NBAS: variants seen among roughly 807,000 people sequenced by gnomAD.
NBAS encodes NBAS subunit of NRZ tethering complex.
NBAS carries 219 observed loss-of-function variants against 302.5 expected under a neutral mutation model. That is an observed-to-expected ratio of 0.72 (90% CI 0.65 to 0.81). NBAS has a LOEUF of 0.81. NBAS is among the 30% of genes least tolerant of loss of function. The pLI is 0.00. For synonymous variants in NBAS, 1,118 were observed against 1,021.6 expected, an observed-to-expected ratio of 1.09 and a Z score of -1.80; for missense variants, 2,932 against 2,841.6, an observed-to-expected ratio of 1.03 and a Z score of -0.72.
chr2:14,865,214 A>C, the NBAS span, among the ~76,000 whole-genome samples: 1 of 152,084 alleles, frequency 6.6e-6, no homozygotes, highest in African/African-American at 2.4e-5. Flanking sequence ...GGGGGGAATA[A>C]TAACTCTAAC....
chr2:15,394,080 T>C (rs918503897), intron 28 of NBAS, 147 bp downstream of exon 28: 13 of 895,384 alleles, frequency 1.5e-5, no homozygotes, highest in Non-Finnish European at 2.1e-5. Flanking sequence ...TATACACACA[T>C]ATCAAAACTT....
At chr2:15,392,460 C>T (rs1675656771) in intron 28 of NBAS, among the ~76,000 whole-genome samples, 1 of 151,868 alleles carries the variant, frequency 6.6e-6, no homozygotes. Context: ...GAAGAATCAA[C>T]TGTATTTCTA....
At chr2:14,829,757 C>T in the NBAS span, among the ~76,000 whole-genome samples, 1 of 152,200 alleles carries the variant, frequency 6.6e-6, no homozygotes, top group Non-Finnish European at 1.5e-5. Flanking sequence ...CCATTTGCCA[C>T]AAGGCTTACC....
Position 15,467,738 on chromosome 2 carries a change from T to C in NBAS, c.1944A>G (p.Glu648=), listed in dbSNP as rs779091246. The C allele has an allele frequency of 1.2e-6, 2 of 1,607,212 alleles. No homozygotes were observed. The highest frequency in any genetic ancestry group is 1.7e-4 in the Middle Eastern group (1 of 6,048). Reference sequence around the variant, plus strand: ...TTTCCTTTTTATTCTTGGCAGGCTCTTCATCAGGTGGTGAAAGCTCTTCAT... The same window carrying C: ...TTTCCTTTTTATTCTTGGCAGGCTCCTCATCAGGTGGTGAAAGCTCTTCAT... ...ISYEELSPPD[E]EPAKNKKEKE... is the part of the protein sequence containing the mutation. The change falls in exon 18 of 52, where the codon GAA becomes GAG. Residue 648 remains glutamate (E), a synonymous_variant. Transcript: ENST00000281513.
At chr2:15,043,446 A>C in the NBAS span, among the ~76,000 whole-genome samples, 1 of 152,290 alleles carries the variant, frequency 6.6e-6, no homozygotes, top group South Asian at 2.1e-4. Flanking sequence ...TTCTGCTAAA[A>C]GCCCATCCAT....
intron 37 of NBAS, among the ~76,000 whole-genome samples, 156 bp from the exon 38 acceptor site, chr2:15,328,026 G>T (rs1672154502): frequency 6.6e-6 from 1 of 151,972 alleles, no homozygotes; most frequent in South Asian, 2.1e-4. Context: ...TTTTTAAACA[G>T]ATTTTAATCT....
Position 15,554,131 on chromosome 2 carries a change from G to C in NBAS, c.217C>G (p.Pro73Ala), listed in dbSNP as rs776663006. The change falls in exon 4 of 52, where the codon CCT becomes GCT. Residue 73 changes from proline to alanine, a missense_variant. Transcript: ENST00000281513. ...ACCAGTCCATCAGGGAGCAAAAAAG[G>C]TGCCGGGCTGAAATCACAACACATT... ...LRQYIWYSPA[P>A]FLLPDGLVRL... 2 of 1,613,316 alleles carry C rather than the reference G, an allele frequency of 1.2e-6. No individual in the cohort carries two copies. The highest frequency in any genetic ancestry group is 4.5e-5 in the East Asian group (2 of 44,838).
the NBAS span, among the ~76,000 whole-genome samples, chr2:15,158,759 C>T: frequency 6.6e-6 from 1 of 152,124 alleles, no homozygotes; most frequent in Non-Finnish European, 1.5e-5. Flanking sequence ...CCCCAGGGCT[C>T]CAGGTGGCCA....
intron 12 of NBAS, among the ~76,000 whole-genome samples, chr2:15,488,088 C>A (rs1680708635): frequency 6.6e-6 from 1 of 152,140 alleles, no homozygotes; most frequent in South Asian, 2.1e-4. Flanking sequence ...CCATTCAGGT[C>A]ATTCAGGAAA....
the NBAS span, among the ~76,000 whole-genome samples, chr2:15,057,567 T>A: frequency 2.6e-5 from 4 of 152,186 alleles, no homozygotes; most frequent in Non-Finnish European, 5.9e-5. Context: ...TAGTCTTTTA[T>A]CCCTCACCAA....
chr2:15,397,451 G>C lies in NBAS; in HGVS notation c.3072-976C>G, dbSNP rs1388242020. On this transcript the variant is annotated intron_variant, in intron 26 of 51. Coordinates refer to ENST00000281513, the MANE Select transcript of NBAS (RefSeq NM_015909.4). The stretch of plus-strand genomic sequence containing the variant: ...CTTAGCTCCTTACATGGGCTTTGGT[G>C]GGGGTTGTGGGGCAGCACCCGCAGG... The C allele has an allele frequency of 8.6e-6, 4 of 466,560 alleles. No individual in the cohort carries two copies. In the East Asian group the frequency reaches 1.8e-4, roughly 21 times the overall value. 28.9% of individuals were successfully genotyped at this position (466,560 alleles called of 1,614,324 possible).
chr2:15,030,717 G>T, the NBAS span, among the ~76,000 whole-genome samples: 2 of 152,184 alleles, frequency 1.3e-5, no homozygotes, highest in African/African-American at 4.8e-5. Context: ...ATGCTCTACA[G>T]CTGGGTTTCT....
chr2:15,322,709 A>G (rs1558533894), intron 38 of NBAS, among the ~76,000 whole-genome samples: 1 of 152,300 alleles, frequency 6.6e-6, no homozygotes, highest in Admixed American at 6.5e-5. Context: ...TCTAAACCAA[A>G]GTCAAGAATT....
intron 44 of NBAS, among the ~76,000 whole-genome samples, chr2:15,258,924 T>A (rs1267343852): frequency 2.0e-5 from 3 of 152,174 alleles, no homozygotes; most frequent in African/African-American, 7.2e-5. Flanking sequence ...GCGGCTCAGA[T>A]GGGCATCAAG....
At chr2:14,855,934 G>A in the NBAS span, among the ~76,000 whole-genome samples, 1 of 152,234 alleles carries the variant, frequency 6.6e-6, no homozygotes, top group East Asian at 1.9e-4. Flanking sequence ...ATAGGCAGTA[G>A]CAGGGAGTGG....
At chr2:15,546,438 G>C (rs533782012) in intron 6 of NBAS, among the ~76,000 whole-genome samples, 1 of 152,136 alleles carries the variant, frequency 6.6e-6, no homozygotes, top group Non-Finnish European at 1.5e-5. Context: ...TTCAAAGTCT[G>C]GGTGTTTCAG....
Position 15,560,277 on chromosome 2 carries a change from A to C in NBAS, c.117+911T>G, listed in dbSNP as rs192067690. On this transcript the variant is annotated intron_variant, in intron 1 of 51. Coordinates refer to ENST00000281513, the MANE Select transcript of NBAS (RefSeq NM_015909.4). ...TAATAATAAAAAATAAAATAAAATA[A>C]ACATGGATCCATGGTTCCTACTCTT... 1.6e-3 allele frequency among the ~76,000 whole-genome samples: 251 copies of C among 152,208 alleles called. 1 individual carries two copies. Among genetic ancestry groups the C allele is most frequent in the Non-Finnish European group, 9.1e-4 (62 of 68,014 alleles).
intron 44 of NBAS, among the ~76,000 whole-genome samples, chr2:15,268,102 G>A (rs1669155473): frequency 6.6e-6 from 1 of 152,264 alleles, no homozygotes; most frequent in East Asian, 1.9e-4. Context: ...ATGTGTAGAA[G>A]GAACTATTTT....
At chr2:15,408,599 A>C (rs544924552) in intron 25 of NBAS, among the ~76,000 whole-genome samples, 1 of 152,246 alleles carries the variant, frequency 6.6e-6, no homozygotes, top group East Asian at 1.9e-4. Flanking sequence ...ACTTATCTTT[A>C]AAAAGTCTTT....
Sources: gnomAD v4.1 joint callset for allele counts (sites outside exome capture counted in the v4.1 genomes callset) on GRCh38, gnomAD v4.1.1 for gene constraint, MANE v1.5 for transcripts, NCBI Gene and HGNC (gene_info 2026-07-23, HGNC 2026-07-21) for gene names.